Variants in SMG6 observed in about 807,000 individuals in gnomAD.
SMG6 encodes the protein telomerase-binding protein EST1A.
Under a neutral mutation model 142.2 loss-of-function variants are expected in SMG6, and 66 were observed. The observed-to-expected ratio is 0.46, with a 90% CI of 0.38 to 0.57. The LOEUF (loss-of-function observed/expected upper bound fraction) is 0.57, where lower values mean the gene tolerates loss of function less well. SMG6 is among the 20% of genes least tolerant of loss of function. The pLI, the probability that SMG6 is intolerant of heterozygous loss-of-function variation, is 0.00. For missense variants in SMG6, 1,793 were observed against 1,832.0 expected (o/e 0.98, Z 0.39); for synonymous variants, 779 against 702.4 (o/e 1.11, Z -1.72).
chr17:2,199,074 C>T (rs934512351), intron 10 of SMG6, among the ~76,000 whole-genome samples: 1 of 151,094 alleles, frequency 6.6e-6, no homozygotes, highest in Non-Finnish European at 1.5e-5. Context: ...GTAAATTCCA[C>T]AGCAAGCAGC....
At chr17:2,246,495 G>C (rs2073930327) in intron 8 of SMG6, among the ~76,000 whole-genome samples, 1 of 152,186 alleles carries the variant, frequency 6.6e-6, no homozygotes. Context: ...CTTAACCAAT[G>C]ATCAACATCA....
rs150134116 is a variant in SMG6, at chr17:2,093,728, C to T, written c.3358-7827G>A. Among the ~76,000 whole-genome samples the T allele has an allele frequency of 6.2e-4, 94 of 152,178 alleles. 1 individual carries two copies. The highest frequency in any genetic ancestry group is 2.1e-3 in the African/African-American group (87 of 41,498). ...TTGTCCAGGCTGGAGTTTGCAGTGG[C>T]GTCATCATGGCTTGCAGCAGGCTCA... On this transcript the variant is annotated intron_variant, in intron 13 of 18. Coordinates refer to ENST00000263073, the MANE Select transcript of SMG6 (RefSeq NM_017575.5).
In SMG6 at chr17:2,299,334, C is replaced by G; in HGVS notation, c.1419G>C (p.Gln473His). Residue 473 changes from glutamine to histidine, a missense_variant, in exon 2 of 19, where the codon CAG (glutamine) becomes CAC (histidine). Coordinates refer to ENST00000263073, the MANE Select transcript of SMG6 (RefSeq NM_017575.5). The surrounding 1 kb of genome is among the most constrained non-coding windows in gnomAD (Gnocchi z 4.3). ...CATCATCAGTGTCCAAGAAATGTAG[C>G]TGGGGCGTCTGAGTCTTTAGAGCAG... Reference protein sequence around the residue: ...QKPALKTQTPQLHFLDTDDEV... With the variant: ...QKPALKTQTPHLHFLDTDDEV... 2.5e-6 allele frequency: 4 copies of G among 1,614,114 alleles called. No individual in the cohort carries two copies. The highest frequency in any genetic ancestry group is 3.4e-6 in the Non-Finnish European group (4 of 1,180,038).
chr17:2,283,792 G>C (rs1004634401), intron 6 of SMG6, 57 bp from the exon 7 acceptor site: 2 of 1,381,956 alleles, frequency 1.4e-6, no homozygotes, highest in Non-Finnish European at 2.1e-6. Flanking sequence ...ACTCCAGCAA[G>C]AGGCAGCTGA....
In SMG6 at chr17:2,071,340, G is replaced by A. The variant is rs1210434886; in HGVS notation, c.3682-2409C>T. Among the ~76,000 whole-genome samples, 1 of 152,184 alleles carries A rather than the reference G, an allele frequency of 6.6e-6. No homozygotes were observed. Among genetic ancestry groups the A allele is most frequent in the African/African-American group, 2.4e-5 (1 of 41,440 alleles). On this transcript the variant is annotated intron_variant, in intron 15 of 18. Coordinates refer to ENST00000263073, the MANE Select transcript of SMG6 (RefSeq NM_017575.5). This position sits in a 1 kb window ranked among gnomAD's most constrained non-coding sequence, Gnocchi z 5.6. Reference sequence around the variant, plus strand: ...TACCTCTATTGCTGGCAATTAGGCAGGAGAGCCTTGAAGCCAGGTGGCTGA... The same window carrying A: ...TACCTCTATTGCTGGCAATTAGGCAAGAGAGCCTTGAAGCCAGGTGGCTGA...
chr17:2,234,416 C>T (rs562315448), intron 10 of SMG6, among the ~76,000 whole-genome samples: 1 of 151,732 alleles, frequency 6.6e-6, no homozygotes, highest in African/African-American at 2.4e-5. Context: ...TGCCCACCAC[C>T]AAGCGCAGCT....
At chr17:2,144,969 C>T (rs2070617103) in intron 13 of SMG6, among the ~76,000 whole-genome samples, 1 of 152,130 alleles carries the variant, frequency 6.6e-6, no homozygotes, top group Non-Finnish European at 1.5e-5. Flanking sequence ...CAGAAATCAT[C>T]AGGGCAAGCA....
rs747586943 is a variant in SMG6, at chr17:2,299,918, G to A, written c.835C>T (p.Arg279Cys). 6.2e-5 allele frequency: 100 copies of A among 1,613,960 alleles called. 1 individual carries two copies. Among genetic ancestry groups the A allele is most frequent in the Admixed American group, 1.8e-4 (11 of 60,000 alleles). ...TTGGTCCTATCCTGTCGGCGGCGGC[G>A]ACATCCATTATCCGTCAGGCCAGCT... ...EGAGLTDNGC[R>C]RRRQDRTKER... is the part of the protein sequence containing the mutation. The change falls in exon 2 of 19, where the codon CGC becomes TGC. Residue 279 changes from arginine (R) to cysteine (C), a missense_variant. By Grantham distance (180) the Arg-to-Cys change is radical. Transcript: ENST00000263073. The surrounding 1 kb of genome is among the most constrained non-coding windows in gnomAD (Gnocchi z 4.3).
intron 4 of SMG6, among the ~76,000 whole-genome samples, chr17:2,295,828 C>T (rs993180168): frequency 6.6e-6 from 1 of 152,164 alleles, no homozygotes; most frequent in African/African-American, 2.4e-5. Flanking sequence ...AAACCTGAAC[C>T]AATCTCTTTC....
intron 10 of SMG6, among the ~76,000 whole-genome samples, chr17:2,218,204 C>A (rs1051759044): frequency 6.6e-5 from 10 of 152,094 alleles, no homozygotes; most frequent in Non-Finnish European, 1.2e-4. Flanking sequence ...ATGTGCTTCT[C>A]CCATAACATT....
At chr17:2,157,897 A>C (rs931427260) in intron 13 of SMG6, among the ~76,000 whole-genome samples, 2 of 152,304 alleles carry the variant, frequency 1.3e-5, no homozygotes, top group Non-Finnish European at 2.9e-5. Flanking sequence ...CTGAATTAGA[A>C]ATCCCTAAAC....
intron 13 of SMG6, among the ~76,000 whole-genome samples, chr17:2,156,424 A>AAAAG (rs2071008263): frequency 8.5e-6 from 1 of 117,944 alleles, no homozygotes; most frequent in African/African-American, 3.0e-5. Flanking sequence ...AAAAAAAAAG[A>AAAAG]GTTAAAAGCT....
chr17:2,277,455 A>G (rs1329264922), intron 8 of SMG6, among the ~76,000 whole-genome samples: 1 of 152,054 alleles, frequency 6.6e-6, no homozygotes, highest in African/African-American at 2.4e-5. Context: ...CGTAAGCACC[A>G]CGCCCGGCCA....
intron 13 of SMG6, among the ~76,000 whole-genome samples, chr17:2,120,671 T>C (rs2984939): frequency 0.36 from 54,050 of 152,116 alleles, 10,300 homozygotes; most frequent in African/African-American, 0.49. Context: ...TGCAGTGAGC[T>C]GTGATTGTGC....
At chr17:2,283,824 T>C (rs977743469) in intron 6 of SMG6, 89 bp from the exon 7 acceptor site, 61 of 910,212 alleles carry the variant, frequency 6.7e-5, no homozygotes, top group Non-Finnish European at 9.7e-5. Context: ...CTACTATCTC[T>C]CCCAGCCTGT....
intron 10 of SMG6, chr17:2,232,903 TTC>T (rs1352403046): frequency 5.9e-5 from 9 of 152,318 alleles, no homozygotes; most frequent in African/African-American, 2.2e-4. Flanking sequence ...AAAGATGCCA[TTC>T]TCTCACCACC....
At chr17:2,201,644 A>G (rs985488026) in intron 10 of SMG6, among the ~76,000 whole-genome samples, 3 of 150,874 alleles carry the variant, frequency 2.0e-5, no homozygotes, top group African/African-American at 7.3e-5. Context: ...ACGCCACTGC[A>G]CTACAGCCTG....
At chr17:2,164,820 C>A in intron 13 of SMG6, among the ~76,000 whole-genome samples, 1 of 152,036 alleles carries the variant, frequency 6.6e-6, no homozygotes, top group Admixed American at 6.6e-5. Flanking sequence ...GCCTGTAGTC[C>A]CAGCTACTCC....
chr17:2,061,715 G>C (rs2067786046), intron 18 of SMG6, 93 bp from the exon 19 acceptor site: 2 of 1,395,956 alleles, frequency 1.4e-6, no homozygotes, highest in Admixed American at 2.0e-5. Context: ...TCCTGGGGAG[G>C]GGGTGCCACG....
Sources: gnomAD v4.1 joint callset for allele counts (sites outside exome capture counted in the v4.1 genomes callset) on GRCh38, gnomAD v4.1.1 for gene constraint, Gnocchi (gnomAD v3.1) non-coding constraint, MANE v1.5 for transcripts, NCBI Gene and HGNC (gene_info 2026-07-23, HGNC 2026-07-21) for gene names.